The following SAMD5 variants were observed in gnomAD, a reference collection of about 807,000 sequenced individuals.
SAMD5 encodes sterile alpha motif domain-containing protein 5.
In SAMD5, 13 loss-of-function variants were observed where a neutral mutation model predicts 11.3. The ratio of observed to expected loss-of-function variants is 1.15; its 90% CI spans 0.75 to 1.83. SAMD5 has a LOEUF of 1.83. Among genes scored for constraint, SAMD5 ranks in the 40% most tolerant of loss-of-function variants. SAMD5 has a pLI of 0.00. For synonymous variants in SAMD5, 129 were observed against 111.3 expected (o/e 1.16, Z -1.00); for missense variants, 255 against 239.1 (o/e 1.07, Z -0.44).
chr6:147,538,221 A>C (rs1300259863), intron 1 of SAMD5, among the ~76,000 whole-genome samples: 1 of 152,184 alleles, frequency 6.6e-6, no homozygotes, highest in African/African-American at 2.4e-5. Context: ...ATTTTTTTTA[A>C]ATCTTAGCCA....
chr6:147,787,788 T>C, the SAMD5 span, among the ~76,000 whole-genome samples: 5 of 152,244 alleles, frequency 3.3e-5, no homozygotes, highest in African/African-American at 9.6e-5. Flanking sequence ...AAAGATGCAT[T>C]GGCACTGGAT....
intron 1 of SAMD5, among the ~76,000 whole-genome samples, chr6:147,619,596 AAATTGTGC>A (rs1399661603): frequency 6.6e-6 from 1 of 152,200 alleles, no homozygotes; most frequent in African/African-American, 2.4e-5. Flanking sequence ...TGAAGAAGGA[AAATTGTGC>A]TATTTCTGCT....
the SAMD5 span, among the ~76,000 whole-genome samples, chr6:147,916,194 A>G: frequency 6.6e-6 from 1 of 152,050 alleles, no homozygotes; most frequent in Non-Finnish European, 1.5e-5. Context: ...GCTATTGTGA[A>G]TAGTGCCGCA....
chr6:147,811,984 T>C, the SAMD5 span, among the ~76,000 whole-genome samples: 1 of 151,938 alleles, frequency 6.6e-6, no homozygotes, highest in Non-Finnish European at 1.5e-5. Flanking sequence ...GACGTCACTT[T>C]TGGGGAGAGA....
At chr6:147,541,116 A>AT (rs1788597067) in intron 1 of SAMD5, among the ~76,000 whole-genome samples, 1 of 151,618 alleles carries the variant, frequency 6.6e-6, no homozygotes, top group Admixed American at 6.6e-5. Flanking sequence ...CGCCTGGATA[A>AT]TATTTGTATT....
intron 1 of SAMD5, among the ~76,000 whole-genome samples, chr6:147,722,118 C>T (rs1037393906): frequency 6.6e-6 from 1 of 152,116 alleles, no homozygotes; most frequent in Admixed American, 6.5e-5. Flanking sequence ...CAGTAAGCTT[C>T]AATTATTACA....
chr6:147,943,205 C>T, the SAMD5 span, among the ~76,000 whole-genome samples: 2 of 152,176 alleles, frequency 1.3e-5, no homozygotes, highest in Non-Finnish European at 2.9e-5. Flanking sequence ...ATGAGAAATA[C>T]TGTATGTGCA....
the SAMD5 span, among the ~76,000 whole-genome samples, chr6:147,916,962 G>T: frequency 1.3e-5 from 2 of 149,272 alleles, no homozygotes; most frequent in Non-Finnish European, 3.0e-5. Context: ...ATCATTGTTG[G>T]ACATTTGGGT....
chr6:147,646,038 C>CTATG (rs1790395180), intron 1 of SAMD5, among the ~76,000 whole-genome samples: 1 of 112,334 alleles, frequency 8.9e-6, no homozygotes, highest in Non-Finnish European at 1.7e-5. Flanking sequence ...ATCTATCTAT[C>CTATG]TATCTATCTA....
intron 1 of SAMD5, among the ~76,000 whole-genome samples, chr6:147,694,740 C>T (rs1791152079): frequency 6.6e-6 from 1 of 152,078 alleles, no homozygotes; most frequent in South Asian, 2.1e-4. Flanking sequence ...TTGCTTGAAC[C>T]CCACAGGTCA....
At chr6:147,878,516 TTAG>T in the SAMD5 span, among the ~76,000 whole-genome samples, 25 of 150,730 alleles carry the variant, frequency 1.7e-4, no homozygotes, top group Non-Finnish European at 3.5e-4. Context: ...TAGTTTATTA[TTAG>T]TAGTCACAGT....
At chr6:147,856,819 C>T in the SAMD5 span, among the ~76,000 whole-genome samples, 21 of 128,556 alleles carry the variant, frequency 1.6e-4, 1 homozygote, top group African/African-American at 6.4e-4. Flanking sequence ...TTTCTGGGGG[C>T]GCGGGGGGGG....
chr6:147,637,863 T>TGG, intron 1 of SAMD5, among the ~76,000 whole-genome samples: 1 of 130,162 alleles, frequency 7.7e-6, no homozygotes, highest in Admixed American at 7.3e-5. Flanking sequence ...AAGTTCGGTT[T>TGG]TTTTTTTTTT....
chr6:147,949,302 T>C, the SAMD5 span, among the ~76,000 whole-genome samples: 1 of 152,158 alleles, frequency 6.6e-6, no homozygotes, highest in African/African-American at 2.4e-5. Context: ...ACAAATACAG[T>C]ATATTTAACT....
At chr6:147,642,241 G>T (rs1235041460) in intron 1 of SAMD5, among the ~76,000 whole-genome samples, 1 of 152,074 alleles carries the variant, frequency 6.6e-6, no homozygotes, top group Non-Finnish European at 1.5e-5. Context: ...TTTAAAAATT[G>T]GATAAAAGTT....
the SAMD5 span, among the ~76,000 whole-genome samples, chr6:147,887,473 A>ACATTGAGAT: frequency 6.6e-6 from 1 of 152,244 alleles, no homozygotes; most frequent in African/African-American, 2.4e-5. Context: ...GATCCATCTC[A>ACATTGAGAT]CATTGAGATT....
the SAMD5 span, among the ~76,000 whole-genome samples, chr6:147,807,660 G>A: frequency 1.3e-5 from 2 of 152,162 alleles, no homozygotes; most frequent in South Asian, 2.1e-4. Flanking sequence ...ATAGAGCTAA[G>A]GTTTAAATTG....
chr6:147,856,287 T>G, the SAMD5 span, among the ~76,000 whole-genome samples: 1 of 152,150 alleles, frequency 6.6e-6, no homozygotes, highest in Admixed American at 6.5e-5. Flanking sequence ...GTGTAGTGAA[T>G]GCAGATGGGA....
At chr6:147,782,352 A>T in the SAMD5 span, among the ~76,000 whole-genome samples, 2 of 152,184 alleles carry the variant, frequency 1.3e-5, no homozygotes, top group Non-Finnish European at 2.9e-5. Context: ...ACTCTCATCT[A>T]TCCCGTATAA....
Sources: gnomAD v4.1 joint callset for allele counts (sites outside exome capture counted in the v4.1 genomes callset) on GRCh38, gnomAD v4.1.1 for gene constraint, MANE v1.5 for transcripts, NCBI Gene and HGNC (gene_info 2026-07-23, HGNC 2026-07-21) for gene names.